EIPR1: variants seen among roughly 807,000 people sequenced by gnomAD.
EIPR1 encodes the protein EARP and GARP complex-interacting protein 1.
In EIPR1, 25 loss-of-function variants were observed where a neutral mutation model predicts 48.1. That is an observed-to-expected ratio of 0.52 (90% CI 0.38 to 0.73). The LOEUF (loss-of-function observed/expected upper bound fraction) is 0.73. EIPR1 is among the 30% of genes least tolerant of loss of function. The pLI is 0.00. For synonymous variants in EIPR1, 204 were observed against 201.9 expected (o/e 1.01, Z -0.09); for missense variants, 415 against 506.2 (o/e 0.82, Z 1.73).
At chr2:3,333,489 G>C (rs1282700503) in intron 3 of EIPR1, among the ~76,000 whole-genome samples, 7 of 152,118 alleles carry the variant, frequency 4.6e-5, no homozygotes. Context: ...TGTAATCCCA[G>C]TGCTTTGGGA....
chr2:3,193,779 G>C (rs934110760), intron 7 of EIPR1, among the ~76,000 whole-genome samples: 1 of 152,188 alleles, frequency 6.6e-6, no homozygotes, highest in South Asian at 2.1e-4. Context: ...ACTGTTTCAA[G>C]AGAAAACAGA....
At chr2:3,209,278 C>G (rs1295504786) in intron 5 of EIPR1, among the ~76,000 whole-genome samples, 2 of 152,164 alleles carry the variant, frequency 1.3e-5, no homozygotes, top group African/African-American at 4.8e-5. Context: ...GAAACACCAC[C>G]AAATAAGGCC....
chr2:3,228,858 T>A (rs1217827139), intron 4 of EIPR1, among the ~76,000 whole-genome samples: 1 of 152,202 alleles, frequency 6.6e-6, no homozygotes, highest in East Asian at 1.9e-4. Context: ...CTTCTTTGCG[T>A]TCCACCATGA....
chr2:3,250,725 C>T (rs1443703096), intron 4 of EIPR1, among the ~76,000 whole-genome samples: 2 of 152,182 alleles, frequency 1.3e-5, no homozygotes, highest in African/African-American at 4.8e-5. Context: ...AGGCTGAGCA[C>T]CCGTCCCTTG....
At chr2:3,366,605 C>T (rs942437335) in intron 1 of EIPR1, among the ~76,000 whole-genome samples, 2 of 151,918 alleles carry the variant, frequency 1.3e-5, no homozygotes, top group Admixed American at 6.6e-5. Flanking sequence ...TGAGTGTTCA[C>T]AAGAAAATCC....
At chr2:3,207,965 G>A (rs1017702566) in intron 5 of EIPR1, 2 of 152,832 alleles carry the variant, frequency 1.3e-5, no homozygotes, top group African/African-American at 4.8e-5. Flanking sequence ...TAAAGATAAT[G>A]GCTTTTTCAA....
chr2:3,256,143 C>G (rs951538414), intron 4 of EIPR1, among the ~76,000 whole-genome samples: 23 of 152,312 alleles, frequency 1.5e-4, no homozygotes, highest in African/African-American at 5.1e-4. Context: ...AATAATTCCA[C>G]CACAAACTGA....
intron 5 of EIPR1, among the ~76,000 whole-genome samples, chr2:3,204,919 A>T (rs1665176764): frequency 6.6e-6 from 1 of 151,970 alleles, no homozygotes; most frequent in Non-Finnish European, 1.5e-5. Flanking sequence ...TACATGTAGG[A>T]CTGTGCTCCC....
rs73909793 is a variant in EIPR1 at position 3,220,791 on chromosome 2, G to A, written c.417-6543C>T. On this transcript the variant is annotated intron_variant, in intron 4 of 8. Coordinates refer to ENST00000382125, the MANE Select transcript of EIPR1 (RefSeq NM_003310.5). ...ACTCTAGAACATTCACGGTGAGTCC[G>A]GAACACACGCACACAATGGCCGAGG... Among the ~76,000 whole-genome samples the A allele has an allele frequency of 2.8e-3, 414 of 148,260 alleles. 2 individuals carry two copies. Among genetic ancestry groups the A allele is most frequent in the African/African-American group, 0.01 (400 of 39,962 alleles).
At chr2:3,359,942 G>T (rs1476739571) in intron 1 of EIPR1, among the ~76,000 whole-genome samples, 2 of 152,148 alleles carry the variant, frequency 1.3e-5, no homozygotes, top group African/African-American at 4.8e-5. Context: ...CTGCCTCAAA[G>T]CTACCAAAGG....
intron 3 of EIPR1, among the ~76,000 whole-genome samples, chr2:3,301,739 T>G (rs1050499885): frequency 2.0e-5 from 3 of 152,186 alleles, no homozygotes; most frequent in African/African-American, 7.2e-5. Context: ...AATAACACAG[T>G]AGGATAAAAA....
chr2:3,221,027 C>G (rs13007309), intron 4 of EIPR1, among the ~76,000 whole-genome samples: 32,921 of 41,914 alleles, frequency 0.79, 13,794 homozygotes, highest in East Asian at 0.87. Flanking sequence ...CAATGGCCGA[C>G]GTACACTCTA....
chr2:3,364,300 CTATA>C (rs1670920982), intron 1 of EIPR1, among the ~76,000 whole-genome samples: 1 of 152,068 alleles, frequency 6.6e-6, no homozygotes, highest in Non-Finnish European at 1.5e-5. Context: ...AGAAAATGTG[CTATA>C]CATACACAGT....
At chr2:3,269,741 C>T (rs1667646662) in intron 3 of EIPR1, among the ~76,000 whole-genome samples, 2 of 151,842 alleles carry the variant, frequency 1.3e-5, no homozygotes, top group South Asian at 2.1e-4. Flanking sequence ...AATCATCGCA[C>T]TCAGTCATTG....
At chr2:3,292,101 T>C (rs1363125764) in intron 3 of EIPR1, among the ~76,000 whole-genome samples, 1 of 152,250 alleles carries the variant, frequency 6.6e-6, no homozygotes, top group African/African-American at 2.4e-5. Flanking sequence ...TCTGGCTCCA[T>C]GCTAACATCA....
intron 4 of EIPR1, among the ~76,000 whole-genome samples, chr2:3,246,621 CAGGTG>C (rs1666802692): frequency 6.6e-6 from 1 of 151,998 alleles, no homozygotes; most frequent in South Asian, 2.1e-4. Context: ...AGCCACCATG[CAGGTG>C]ACGGGCACTT....
intron 3 of EIPR1, among the ~76,000 whole-genome samples, chr2:3,293,422 CCTG>C (rs1263312273): frequency 2.6e-5 from 4 of 152,184 alleles, no homozygotes. Context: ...TCAGATGTGG[CCTG>C]CTTTTTCTCT....
chr2:3,206,488 G>A (rs1397269443), intron 5 of EIPR1, among the ~76,000 whole-genome samples: 2 of 152,234 alleles, frequency 1.3e-5, no homozygotes, highest in Non-Finnish European at 2.9e-5. Context: ...GAGCCTTCCT[G>A]TATCAGAAAA....
chr2:3,230,615 T>C (rs1409922853), intron 4 of EIPR1, among the ~76,000 whole-genome samples: 1 of 152,256 alleles, frequency 6.6e-6, no homozygotes, highest in Non-Finnish European at 1.5e-5. Context: ...AGACTATCTT[T>C]TTCCCATTGT....
Sources: allele counts gnomAD v4.1 joint callset (sites outside exome capture counted in the v4.1 genomes callset), GRCh38; gene constraint gnomAD v4.1.1; transcripts MANE v1.5; gene names NCBI Gene and HGNC (gene_info 2026-07-23, HGNC 2026-07-21).